HS1BP3: variants seen among roughly 807,000 people sequenced by gnomAD.
HS1BP3 encodes the protein HCLS1 binding protein 3.
HS1BP3 carries 32 observed loss-of-function variants against 33.5 expected under a neutral mutation model. The ratio of observed to expected loss-of-function variants is 0.95; its 90% CI spans 0.72 to 1.28. HS1BP3 has a LOEUF of 1.28. Ranked by LOEUF, HS1BP3 falls within the 50% of genes most tolerant of loss-of-function variation. HS1BP3 has a pLI of 0.00. For missense variants in HS1BP3, 486 were observed against 502.3 expected (o/e 0.97, Z 0.31); for synonymous variants, 187 against 209.2 (o/e 0.89, Z 0.92).
At chr2:20,596,962 T>C (rs915588584) in intron 3 of HS1BP3, among the ~76,000 whole-genome samples, 2 of 152,170 alleles carry the variant, frequency 1.3e-5, no homozygotes, top group Non-Finnish European at 2.9e-5. Context: ...TTTGGGCAAC[T>C]TGAATGTGTT....
downstream of HS1BP3, among the ~76,000 whole-genome samples, chr2:20,589,109 G>A (rs1303380415): frequency 6.6e-6 from 1 of 152,194 alleles, no homozygotes; most frequent in Non-Finnish European, 1.5e-5. Context: ...CTTGCCCTGG[G>A]GGCCACAGAA....
chr2:20,563,246 GAT>G (rs1693044474), intron 5 of HS1BP3, among the ~76,000 whole-genome samples: 1 of 152,220 alleles, frequency 6.6e-6, no homozygotes, highest in South Asian at 2.1e-4. Context: ...TGCAGAGCCA[GAT>G]CTCTCTAAGA....
At chr2:20,560,599 G>A (rs1229658722) in intron 5 of HS1BP3, 1 of 152,242 alleles carries the variant, frequency 6.6e-6, no homozygotes, top group Non-Finnish European at 1.5e-5. Flanking sequence ...AGGCAGGCAG[G>A]AAAGAAATGG....
chr2:20,562,734 T>C (rs923559081), intron 5 of HS1BP3, among the ~76,000 whole-genome samples: 2 of 152,228 alleles, frequency 1.3e-5, no homozygotes, highest in East Asian at 1.9e-4. Context: ...AGGGGGATAG[T>C]GTCAGAATTG....
chr2:20,571,565 C>T (rs906667549), intron 5 of HS1BP3, among the ~76,000 whole-genome samples: 1 of 152,254 alleles, frequency 6.6e-6, no homozygotes, highest in African/African-American at 2.4e-5. Flanking sequence ...GTTGGAAAAA[C>T]AGCGTGCCTC....
chr2:20,641,979 G>A (rs1329174136), intron 2 of HS1BP3, among the ~76,000 whole-genome samples: 1 of 152,220 alleles, frequency 6.6e-6, no homozygotes, highest in Non-Finnish European at 1.5e-5. Context: ...CTGTAACCAT[G>A]TGGGTGCTCA....
At chr2:20,614,796 C>T (rs1311504569), downstream of HS1BP3, among the ~76,000 whole-genome samples, 1 of 152,218 alleles carries the variant, frequency 6.6e-6, no homozygotes, top group African/African-American at 2.4e-5. Context: ...AGTCGGCTTA[C>T]CGAGGCCACA....
chr2:20,601,770 C>CCT (rs1694074803), intron 2 of HS1BP3, among the ~76,000 whole-genome samples: 1 of 69,122 alleles, frequency 1.4e-5, no homozygotes. Flanking sequence ...AGTGTGTCTT[C>CCT]TTTTTTTTTT....
At chr2:20,569,470 C>T (rs1693213723) in intron 5 of HS1BP3, among the ~76,000 whole-genome samples, 2 of 151,984 alleles carry the variant, frequency 1.3e-5, no homozygotes, top group African/African-American at 4.9e-5. Flanking sequence ...AGACACCCAA[C>T]TAAATTTGAG....
chr2:20,606,880 C>T (rs1414291296), intron 2 of HS1BP3, among the ~76,000 whole-genome samples: 3 of 151,984 alleles, frequency 2.0e-5, no homozygotes, highest in African/African-American at 7.3e-5. Context: ...GGTTTGCAAA[C>T]ATTTTGTCCT....
chr2:20,623,614 T>A (rs1256054670), intron 6 of HS1BP3: 1 of 318,006 alleles, frequency 3.1e-6, no homozygotes, highest in Non-Finnish European at 5.7e-6. Context: ...TTAATTATTC[T>A]TTACATAAAC....
downstream of HS1BP3, among the ~76,000 whole-genome samples, chr2:20,614,307 A>G (rs1694374621): frequency 6.6e-6 from 1 of 152,206 alleles, no homozygotes; most frequent in Non-Finnish European, 1.5e-5. Flanking sequence ...CCTGTGGTTT[A>G]AAGCCACCCA....
At chr2:20,648,245 G>A (rs763217773) in intron 1 of HS1BP3, among the ~76,000 whole-genome samples, 12 of 152,100 alleles carry the variant, frequency 7.9e-5, no homozygotes, top group Non-Finnish European at 1.5e-4. Flanking sequence ...CCCTTGCTCC[G>A]TTTCCCTCCT....
chr2:20,642,692 C>T (rs1695394180), intron 2 of HS1BP3, among the ~76,000 whole-genome samples: 1 of 152,224 alleles, frequency 6.6e-6, no homozygotes, highest in Non-Finnish European at 1.5e-5. Flanking sequence ...TAGGCCTGGG[C>T]TCCCACCCCA....
At chr2:20,648,144 C>T (rs1430250845) in intron 1 of HS1BP3, among the ~76,000 whole-genome samples, 6 of 152,164 alleles carry the variant, frequency 3.9e-5, no homozygotes, top group African/African-American at 1.2e-4. Flanking sequence ...TTCGCACCAT[C>T]GATTTTCCTT....
At chr2:20,556,457 T>A (rs12620544), downstream of HS1BP3, among the ~76,000 whole-genome samples, 4 of 152,038 alleles carry the variant, frequency 2.6e-5, no homozygotes, top group Non-Finnish European at 5.9e-5. Context: ...ACCCTTCAAC[T>A]TTATCAAATA....
At chr2:20,558,536 G>A (rs1016616387), downstream of HS1BP3, among the ~76,000 whole-genome samples, 1 of 152,228 alleles carries the variant, frequency 6.6e-6, no homozygotes, top group African/African-American at 2.4e-5. Flanking sequence ...CTGCTGCCCA[G>A]TTTCCCTCTT....
chr2:20,625,201 G>A (rs1482652048), intron 4 of HS1BP3, among the ~76,000 whole-genome samples: 1 of 152,242 alleles, frequency 6.6e-6, no homozygotes, highest in Non-Finnish European at 1.5e-5. Context: ...CAATGACAGA[G>A]TGGTAAGGCC....
chr2:20,599,510 G>A (rs10153843), intron 2 of HS1BP3, among the ~76,000 whole-genome samples: 112,496 of 152,030 alleles, frequency 0.74, 42,451 homozygotes, highest in East Asian at 0.82. Context: ...ATCTCTGGAG[G>A]CAGGCTGGGA....
Sources: gnomAD v4.1 joint callset for allele counts (sites outside exome capture counted in the v4.1 genomes callset) on GRCh38, gnomAD v4.1.1 for gene constraint, MANE v1.5 for transcripts, NCBI Gene and HGNC (gene_info 2026-07-23, HGNC 2026-07-21) for gene names.